The following ST7L variants were observed in gnomAD, a reference collection of about 807,000 sequenced individuals.
ST7L encodes suppressor of tumorigenicity 7 protein-like.
Under a neutral mutation model 72.5 loss-of-function variants are expected in ST7L, and 57 were observed. The ratio of observed to expected loss-of-function variants is 0.79; its 90% confidence interval spans 0.64 to 0.98. The LOEUF (loss-of-function observed/expected upper bound fraction) is 0.98, where lower values mean the gene tolerates loss of function less well. ST7L is among the 50% of genes least tolerant of loss of function. The pLI is 0.00. For missense variants in ST7L, 576 were observed against 672.2 expected (o/e 0.86, Z 1.58); for synonymous variants, 221 against 240.9 (o/e 0.92, Z 0.77).
At chr1:112,528,150 T>A (rs553739617) in intron 14 of ST7L, 1 of 152,254 alleles carries the variant, frequency 6.6e-6, no homozygotes, top group Admixed American at 6.5e-5. Context: ...ACTTTTGAGT[T>A]GAATTTTTAA....
chr1:112,605,536 C>CA (rs1668101474), intron 3 of ST7L, among the ~76,000 whole-genome samples: 1 of 147,930 alleles, frequency 6.8e-6, no homozygotes, highest in Non-Finnish European at 1.5e-5. Context: ...ACTAAAAATA[C>CA]AAAATTAGCC....
chr1:112,518,914 A>C (rs1652710862), downstream of ST7L, among the ~76,000 whole-genome samples: 1 of 152,234 alleles, frequency 6.6e-6, no homozygotes, highest in Admixed American at 6.5e-5. Context: ...ATACAGTAGC[A>C]ACTAGCCACA....
intron 3 of ST7L, 165 bp downstream of exon 3, chr1:112,610,676 C>G (rs150120678): frequency 3.9e-4 from 313 of 798,420 alleles, no homozygotes; most frequent in Non-Finnish European, 5.4e-4. Flanking sequence ...ATGACCTGAT[C>G]ACCTCCCAAA....
chr1:112,594,884 A>T (rs959157406), intron 5 of ST7L, among the ~76,000 whole-genome samples: 4 of 152,248 alleles, frequency 2.6e-5, no homozygotes, highest in African/African-American at 9.6e-5. Context: ...AGCATGTCAT[A>T]ACACTTAGAA....
intron 11 of ST7L, among the ~76,000 whole-genome samples, chr1:112,575,550 CTACTAAG>C (rs1386770804): frequency 6.6e-6 from 1 of 152,104 alleles, no homozygotes; most frequent in Non-Finnish European, 1.5e-5. Context: ...ACCGAGTTGG[CTACTAAG>C]TGACTAATGG....
intron 1 of ST7L, 146 bp from the exon 2 acceptor site, chr1:112,617,041 T>C (rs1361793998): frequency 1.9e-6 from 1 of 535,898 alleles, no homozygotes; most frequent in Non-Finnish European, 3.3e-6. Context: ...TTAATTTGTA[T>C]ATATATTATA....
At chr1:112,608,480 AG>A (rs1169797251) in intron 3 of ST7L, among the ~76,000 whole-genome samples, 1 of 152,154 alleles carries the variant, frequency 6.6e-6, no homozygotes, top group Non-Finnish European at 1.5e-5. Context: ...ACTCTATAAA[AG>A]CAGTTAACCA....
At chr1:112,618,728 G>C (rs11102516) in intron 1 of ST7L, 181 bp downstream of exon 1, 11 of 1,306,392 alleles carry the variant, frequency 8.4e-6, no homozygotes, top group South Asian at 1.6e-5. Flanking sequence ...AGCCGGTAAC[G>C]GCAGCAGGCT....
At chr1:112,581,882 C>T (rs1283263401) in intron 9 of ST7L, 110 bp downstream of exon 9, 20 of 787,484 alleles carry the variant, frequency 2.5e-5, no homozygotes, top group Non-Finnish European at 3.3e-5. Context: ...GTGCTAAATA[C>T]TGACTGGTAA....
At chr1:112,540,779 C>T in intron 14 of ST7L, 1 of 1,278,454 alleles carries the variant, frequency 7.8e-7, no homozygotes, top group Non-Finnish European at 1.0e-6. Flanking sequence ...AATACATTAC[C>T]AAGTAAGGAC....
At chr1:112,576,936 A>T in intron 11 of ST7L, 50 bp downstream of exon 11, 1 of 1,401,026 alleles carries the variant, frequency 7.1e-7, no homozygotes, top group Non-Finnish European at 1.0e-6. Flanking sequence ...AACTGTCATC[A>T]ATTTGATAAA....
At chr1:112,526,380 G>A (rs1470664937) in intron 14 of ST7L, 2 of 351,614 alleles carry the variant, frequency 5.7e-6, no homozygotes, top group Non-Finnish European at 1.0e-5. Flanking sequence ...TAGTCCTTTT[G>A]AAATTATGCT....
intron 14 of ST7L, among the ~76,000 whole-genome samples, chr1:112,531,225 A>C (rs1294966479): frequency 3.3e-5 from 5 of 152,260 alleles, no homozygotes; most frequent in African/African-American, 1.2e-4. Context: ...AGAGGATATA[A>C]AAGAGGTATA....
intron 14 of ST7L, chr1:112,540,890 A>G (rs766649210): frequency 1.2e-4 from 156 of 1,251,996 alleles, no homozygotes; most frequent in South Asian, 1.8e-4. Context: ...AAATGCAAAG[A>G]TGTACAAGAA....
chr1:112,570,503 G>A (rs1480859798), intron 11 of ST7L, among the ~76,000 whole-genome samples: 1 of 146,000 alleles, frequency 6.8e-6, no homozygotes, highest in Non-Finnish European at 1.5e-5. Context: ...CTGCTAAGAT[G>A]CATACAACCA....
chr1:112,614,538 G>A (rs115050521), intron 2 of ST7L, among the ~76,000 whole-genome samples: 4 of 151,942 alleles, frequency 2.6e-5, no homozygotes, highest in Non-Finnish European at 4.4e-5. Context: ...GAAAAATCTC[G>A]TTCTTGTTTG....
At chr1:112,533,605 C>T (rs569521909) in intron 14 of ST7L, among the ~76,000 whole-genome samples, 302 of 151,338 alleles carry the variant, frequency 2.0e-3, no homozygotes, top group Non-Finnish European at 3.1e-3. Flanking sequence ...TGAACCACCA[C>T]GCCCGGCTGA....
chr1:112,557,275 G>C (rs935242027), intron 11 of ST7L, among the ~76,000 whole-genome samples: 1 of 151,908 alleles, frequency 6.6e-6, no homozygotes, highest in Non-Finnish European at 1.5e-5. Context: ...ACCCCCTTAA[G>C]CAACTACTAA....
At chr1:112,579,553 A>C (rs1205831673) in intron 9 of ST7L, among the ~76,000 whole-genome samples, 1 of 152,076 alleles carries the variant, frequency 6.6e-6, no homozygotes, top group Non-Finnish European at 1.5e-5. Context: ...GATTCAACCG[A>C]GGGTGATATT....
Sources: gnomAD v4.1 joint callset for allele counts (sites outside exome capture counted in the v4.1 genomes callset) on GRCh38, gnomAD v4.1.1 for gene constraint, MANE v1.5 for transcripts, NCBI Gene and HGNC (gene_info 2026-07-23, HGNC 2026-07-21) for gene names.